Variants in RAP1A observed in about 807,000 individuals in gnomAD.
RAP1A encodes the protein RAP1A, member of RAS oncogene family.
Under a neutral mutation model 26.4 loss-of-function variants are expected in RAP1A, and 6 were observed. The observed-to-expected ratio is 0.23, with a 90% CI of 0.12 to 0.45. RAP1A has a LOEUF of 0.45. Among genes scored for constraint, RAP1A ranks in the 20% least tolerant of loss-of-function variants. The pLI is 0.99. For missense variants in RAP1A, 121 were observed against 217.2 expected (o/e 0.56, Z 2.78); for synonymous variants, 73 against 79.4 (o/e 0.92, Z 0.43).
At chr1:111,698,474 G>A (rs2101270053) in intron 4 of RAP1A, among the ~76,000 whole-genome samples, 1 of 152,120 alleles carries the variant, frequency 6.6e-6, no homozygotes, top group South Asian at 2.1e-4. Context: ...TCGCTGTGTT[G>A]CCCAGGCTAA....
At chr1:111,629,703 C>T (rs190649710) in intron 1 of RAP1A, among the ~76,000 whole-genome samples, 8 of 152,196 alleles carry the variant, frequency 5.3e-5, no homozygotes, top group East Asian at 3.9e-4. Flanking sequence ...TCACAGTGCT[C>T]GTAGTGTTGG....
At chr1:111,706,732 T>C (rs1285925934) in intron 6 of RAP1A, 1 of 985,368 alleles carries the variant, frequency 1.0e-6, no homozygotes, top group Non-Finnish European at 1.2e-6. Context: ...AACCAAATAT[T>C]ATAGTTCGAA....
intron 1 of RAP1A, among the ~76,000 whole-genome samples, chr1:111,596,999 G>C (rs1292425423): frequency 1.3e-5 from 2 of 152,186 alleles, no homozygotes; most frequent in African/African-American, 2.4e-5. Context: ...CCGGGCGAAA[G>C]GTGTGGGCTG....
intron 1 of RAP1A, among the ~76,000 whole-genome samples, chr1:111,633,096 G>A (rs1659622075): frequency 6.6e-6 from 1 of 152,206 alleles, no homozygotes; most frequent in African/African-American, 2.4e-5. Flanking sequence ...TTGTTGTGAA[G>A]AGGTAACATA....
At chr1:111,698,442 A>C (rs1661909395) in intron 4 of RAP1A, among the ~76,000 whole-genome samples, 1 of 151,940 alleles carries the variant, frequency 6.6e-6, no homozygotes, top group Non-Finnish European at 1.5e-5. Flanking sequence ...CTAATAAAAA[A>C]ATTTTTTTTG....
intron 1 of RAP1A, among the ~76,000 whole-genome samples, chr1:111,667,740 C>A (rs1660838471): frequency 6.6e-6 from 1 of 151,830 alleles, no homozygotes; most frequent in African/African-American, 2.4e-5. Context: ...GCATATTGGC[C>A]ATTTAAGATT....
chr1:111,653,806 A>G (rs1238555982), intron 1 of RAP1A, among the ~76,000 whole-genome samples: 1 of 152,094 alleles, frequency 6.6e-6, no homozygotes, highest in East Asian at 1.9e-4. Flanking sequence ...AGGGAGAGAA[A>G]AGAAGACTGT....
At chr1:111,588,990 T>C (rs1658426979) in intron 1 of RAP1A, among the ~76,000 whole-genome samples, 1 of 152,202 alleles carries the variant, frequency 6.6e-6, no homozygotes, top group Non-Finnish European at 1.5e-5. Context: ...AATTAAGTAG[T>C]GATAACAGTG....
chr1:111,542,968 A>G (rs575712504), intron 1 of RAP1A, among the ~76,000 whole-genome samples: 13 of 152,298 alleles, frequency 8.5e-5, no homozygotes, highest in Non-Finnish European at 1.6e-4. Context: ...AAGTGCTGGG[A>G]TTACAAGCGT....
At chr1:111,666,715 T>C (rs997033772) in intron 1 of RAP1A, among the ~76,000 whole-genome samples, 9 of 152,064 alleles carry the variant, frequency 5.9e-5, no homozygotes, top group African/African-American at 2.2e-4. Context: ...TATAAGAGTA[T>C]ATAAAGTTTT....
intron 1 of RAP1A, among the ~76,000 whole-genome samples, chr1:111,646,831 G>A (rs767565453): frequency 3.9e-5 from 6 of 152,196 alleles, no homozygotes; most frequent in Non-Finnish European, 7.3e-5. Context: ...GAGCCACCGC[G>A]CACAGACGAG....
At chr1:111,691,539 T>C in intron 2 of RAP1A, 122 bp downstream of exon 2, 3 of 813,908 alleles carry the variant, frequency 3.7e-6, no homozygotes, top group Non-Finnish European at 6.0e-6. Context: ...CTGATATCTG[T>C]CCCACAAAGG....
chr1:111,614,156 CT>C (rs1265231388), intron 1 of RAP1A, among the ~76,000 whole-genome samples: 9 of 152,226 alleles, frequency 5.9e-5, no homozygotes, highest in Admixed American at 5.2e-4. Context: ...TAGCTCTCCG[CT>C]TTTGTATAAA....
chr1:111,623,174 C>A (rs1286210991), intron 1 of RAP1A, among the ~76,000 whole-genome samples: 1 of 102,176 alleles, frequency 9.8e-6, no homozygotes, highest in Non-Finnish European at 2.0e-5. Flanking sequence ...CCCACCACCA[C>A]GCCCAGATAA....
At chr1:111,645,046 C>T (rs1660020850) in intron 1 of RAP1A, among the ~76,000 whole-genome samples, 1 of 152,148 alleles carries the variant, frequency 6.6e-6, no homozygotes, top group Admixed American at 6.5e-5. Flanking sequence ...TCTCCTTAAT[C>T]TCTTTGATTT....
At chr1:111,693,211 C>T (rs945374418) in intron 2 of RAP1A, among the ~76,000 whole-genome samples, 7 of 152,042 alleles carry the variant, frequency 4.6e-5, no homozygotes, top group Non-Finnish European at 1.0e-4. Flanking sequence ...ATAAAGGAAG[C>T]AGCTTTAGTC....
rs1194007555 is a variant in RAP1A, at chr1:111,703,449, G to A, written c.297G>A (p.Gln99=). The A allele has an allele frequency of 6.2e-7, 1 of 1,604,598 alleles. No homozygotes were observed. The highest frequency in any genetic ancestry group is 8.5e-7 in the Non-Finnish European group (1 of 1,175,408). Residue 99 remains glutamine (Q), a synonymous_variant, in exon 5 of 8, where the codon CAG becomes CAA. Coordinates refer to ENST00000369709, the MANE Select transcript of RAP1A (RefSeq NM_002884.4). ...ACGACTTACAGGACCTGAGGGAACA[G>A]ATTTTACGGGTTAAGGACACGGAAG... The part of the protein sequence containing the change: ...TFNDLQDLRE[Q]ILRVKDTEDV...
rs949555160 is a variant in RAP1A, at chr1:111,606,382, A to G, written c.-28+63873A>G. 5.9e-5 allele frequency among the ~76,000 whole-genome samples: 9 copies of G among 152,344 alleles called. No homozygotes were observed. The East Asian group carries it at 1.7e-3, about 29-fold the overall frequency. On this transcript the variant is annotated intron_variant, in intron 1 of 7. Coordinates refer to the RAP1A transcript ENST00000356415. ...ATTCTCAGAGCACGAAGAACCTTTT[A>G]TAAGAAGAAGGTAGCTGGAGAATGC...
intron 1 of RAP1A, chr1:111,563,981 C>A (rs764419607): frequency 6.5e-7 from 1 of 1,544,296 alleles, no homozygotes; most frequent in Non-Finnish European, 8.9e-7. Flanking sequence ...CTACCAACTG[C>A]CACAGAAGCT....
Sources: allele counts gnomAD v4.1 joint callset (sites outside exome capture counted in the v4.1 genomes callset), GRCh38; gene constraint gnomAD v4.1.1; transcripts MANE v1.5; gene names NCBI Gene and HGNC (gene_info 2026-07-23, HGNC 2026-07-21).